The following ANGEL2 variants were observed in gnomAD, a reference collection of about 807,000 sequenced individuals.
The protein encoded by ANGEL2 is RNA 2',3'-cyclic phosphatase ANGEL2.
In ANGEL2, 41 loss-of-function variants were observed where a neutral mutation model predicts 66.0. That is an observed-to-expected ratio of 0.62 (90% confidence interval 0.48 to 0.81). The LOEUF (loss-of-function observed/expected upper bound fraction) is 0.81. Ranked by LOEUF, ANGEL2 falls within the 30% of genes least tolerant of loss-of-function variation. The pLI, the probability that ANGEL2 is intolerant of heterozygous loss-of-function variation, is 0.00. For missense variants in ANGEL2, 561 were observed against 641.6 expected, an observed-to-expected ratio of 0.87 and a Z score of 1.36; for synonymous variants, 208 against 226.5, an observed-to-expected ratio of 0.92 and a Z score of 0.73.
At chr1:213,002,573 T>TA (rs2076205765) in intron 5 of ANGEL2, among the ~76,000 whole-genome samples, 1 of 152,204 alleles carries the variant, frequency 6.6e-6, no homozygotes, top group African/African-American at 2.4e-5. Context: ...TCTTTCTAGT[T>TA]ATGAAGTCCT....
chr1:213,015,251 C>T, intron 1 of ANGEL2: 1 of 1,086,278 alleles, frequency 9.2e-7, no homozygotes, highest in Non-Finnish European at 1.1e-6. Context: ...TCCCCGCCGA[C>T]GCTCGGTTCC....
chr1:213,008,126 A>C, intron 3 of ANGEL2, 84 bp downstream of exon 3: 1 of 1,454,152 alleles, frequency 6.9e-7, no homozygotes, highest in Non-Finnish European at 9.3e-7. Context: ...AGCCTCCCAA[A>C]GTGCTGGGAT....
chr1:213,015,329 G>A, intron 1 of ANGEL2: 1 of 1,359,546 alleles, frequency 7.4e-7, no homozygotes, highest in Non-Finnish European at 9.5e-7. Flanking sequence ...GGGGAAGCAG[G>A]CCAGGGATCC....
Position 213,015,842 on chromosome 1 carries a change from A to C in ANGEL2, c.-171T>G. On this transcript the variant is annotated 5_prime_UTR_variant, in exon 1 of 9. An upstream start codon of the reference 5' UTR is lost. Transcript: ENST00000366962. ...AGTCTCGCCGGCCGGCCTACACTCC[A>C]TCTTGCGCAGTCAGAGTCCCTGAAT... 3.9e-6 allele frequency: 3 copies of C among 761,724 alleles called. No homozygotes were observed. Among genetic ancestry groups the C allele is most frequent in the Non-Finnish European group, 6.3e-6 (3 of 474,696 alleles). 47.2% of individuals were successfully genotyped at this position (761,724 alleles called of 1,614,324 possible). A position where few individuals can be genotyped will look rare whatever the true frequency, so the allele number is the denominator to read the frequency against.
At chr1:213,013,038 C>T in intron 2 of ANGEL2, 55 bp downstream of exon 2, 1 of 1,533,834 alleles carries the variant, frequency 6.5e-7, no homozygotes, top group African/African-American at 1.4e-5. Context: ...ATGAAAGTTT[C>T]AATTTAGTCT....
chr1:212,997,373 C>T lies in ANGEL2; in HGVS notation c.1320-55G>A, dbSNP rs180951235. On this transcript the variant is annotated intron_variant, in intron 7 of 8. Transcript: ENST00000366962. ...CCGAGTTTTTGTAACTTCAAGAATT[C>T]CTCCTATCTGAATTTCTTTTTCACT... The T allele has an allele frequency of 4.1e-6, 6 of 1,473,258 alleles. No homozygotes were observed. The East Asian group carries it at 1.4e-4, about 34-fold the overall frequency. 91.3% of individuals were successfully genotyped at this position (1,473,258 alleles called of 1,614,324 possible).
At position 212,995,098 on chromosome 1, in the gene ANGEL2, G is replaced by A. The variant is rs762124684; in HGVS notation, c.1578C>T (p.Asn526=). The A allele has an allele frequency of 1.7e-5, 27 of 1,612,272 alleles. No individual in the cohort carries two copies. Among genetic ancestry groups the A allele is most frequent in the Middle Eastern group, 1.6e-4 (1 of 6,074 alleles). ...GCAGATGATCTGAAGAGTTATTTTCGTTTGGAAGTCCATTAACAGTCCATA... is the reference window on the plus strand; with the variant it reads ...GCAGATGATCTGAAGAGTTATTTTCATTTGGAAGTCCATTAACAGTCCATA... ...QDLWTVNGLP[N]ENNSSDHLPL... Residue 526 remains asparagine (N), a synonymous_variant, in exon 9 of 9, where the codon AAC becomes AAT. Transcript: ENST00000366962.
At chr1:213,008,055 G>T (rs1406557439) in intron 3 of ANGEL2, among the ~76,000 whole-genome samples, 155 bp downstream of exon 3, 1 of 151,536 alleles carries the variant, frequency 6.6e-6, no homozygotes, top group Non-Finnish European at 1.5e-5. Context: ...GTAGAGACGG[G>T]GTTTCTCCAT....
intron 5 of ANGEL2, chr1:213,001,576 G>A (rs1231536505): frequency 6.6e-6 from 1 of 152,170 alleles, no homozygotes; most frequent in African/African-American, 2.4e-5. Context: ...CTTAAAATAA[G>A]ACAACAATGA....
At chr1:213,001,155 T>C in intron 5 of ANGEL2, 1 of 445,888 alleles carries the variant, frequency 2.2e-6, no homozygotes, top group South Asian at 2.6e-5. Context: ...AATTTGGACA[T>C]ACAAATCATC....
In ANGEL2 at chr1:212,994,618, C is replaced by A. The variant is rs1412827438; in HGVS notation, c.*423G>T. ...ACTATTTAGAACTCAATAGAGGGGT[C>A]TCCTAATGAAATCAAGCCTTCTGGA... On this transcript the variant is annotated 3_prime_UTR_variant, in exon 9 of 9. Transcript: ENST00000366962. 6.5e-6 allele frequency: 1 copy of A among 152,732 alleles called. No homozygotes were observed. Among genetic ancestry groups the A allele is most frequent in the Non-Finnish European group, 1.5e-5 (1 of 68,452 alleles). The allele number at this position is 152,732 out of a possible 1,614,324, so 9.5% of individuals were successfully genotyped here.
rs770086101 is a variant in ANGEL2 at position 212,995,176 on chromosome 1, C to G, written c.1500G>C (p.Leu500Phe). Reference sequence around the variant, plus strand: ...TAGCTAGAAGTTTCAAGCCACCAACCAAAGCAACTTCAGCTCCTACATTAA... The same window carrying G: ...TAGCTAGAAGTTTCAAGCCACCAACGAAAGCAACTTCAGCTCCTACATTAA... Reference protein sequence around the residue: ...VAGHPGAEVALVGGLKLLARL... With the variant: ...VAGHPGAEVAFVGGLKLLARL... The change falls in exon 9 of 9, where the codon TTG (leucine) becomes TTC (phenylalanine). Residue 500 changes from leucine to phenylalanine, a missense_variant. Coordinates refer to ENST00000366962, the MANE Select transcript of ANGEL2 (RefSeq NM_144567.5). 1.9e-6 allele frequency: 3 copies of G among 1,604,536 alleles called. No homozygotes were observed. Among genetic ancestry groups the G allele is most frequent in the South Asian group, 2.2e-5 (2 of 89,216 alleles).
chr1:213,013,867 G>A (rs931297688), intron 1 of ANGEL2, among the ~76,000 whole-genome samples: 25 of 152,122 alleles, frequency 1.6e-4, no homozygotes, highest in Non-Finnish European at 1.3e-4. Flanking sequence ...GTAATAACAA[G>A]TTTCTGAACA....
At position 213,008,392 on chromosome 1, in the gene ANGEL2, C is replaced by T. The variant is rs751568790; in HGVS notation, c.460G>A (p.Val154Ile). 4 of 1,614,014 alleles carry T rather than the reference C, an allele frequency of 2.5e-6. No homozygotes were observed. The highest frequency in any genetic ancestry group is 2.7e-5 in the African/African-American group (2 of 74,922). The change falls in exon 3 of 9, where the codon GTT (valine) becomes ATT (isoleucine). Residue 154 changes from valine to isoleucine, a missense_variant. Coordinates refer to ENST00000366962, the MANE Select transcript of ANGEL2 (RefSeq NM_144567.5). ...EKTKILGDKN[V>I]DPKCEDSENK... Reference sequence around the variant, plus strand: ...TCACTGTCTTCACATTTGGGATCAACATTTTTGTCTCCTAGGATCTTCGTT... The same window carrying T: ...TCACTGTCTTCACATTTGGGATCAATATTTTTGTCTCCTAGGATCTTCGTT...
intron 8 of ANGEL2, among the ~76,000 whole-genome samples, chr1:212,996,053 A>T (rs553197525): frequency 1.3e-5 from 2 of 152,296 alleles, no homozygotes; most frequent in South Asian, 4.1e-4. Context: ...CACGCCTGTA[A>T]TCCCAGCACT....
chr1:213,000,195 C>CT, intron 7 of ANGEL2, 131 bp downstream of exon 7: 1 of 777,640 alleles, frequency 1.3e-6, no homozygotes, highest in Non-Finnish European at 2.1e-6. Flanking sequence ...GCCTATCTGA[C>CT]TTAAGGGCCA....
chr1:213,008,355 T>A lies in ANGEL2; in HGVS notation c.497A>T (p.Asp166Val), dbSNP rs1186103302. The stretch of plus-strand genomic sequence containing the variant: ...TATATTATAGGACATCACTGAAAAG[T>A]CAAACTTGTTCTCACTGTCTTCACA... ...PKCEDSENKF[D>V]FSVMSYNILS... Residue 166 changes from aspartate to valine, a missense_variant, in exon 3 of 9, where the codon GAC becomes GTC. Physicochemically the swap from Asp to Val is radical, Grantham distance 152. Coordinates refer to ENST00000366962, the MANE Select transcript of ANGEL2 (RefSeq NM_144567.5). 2 of 1,614,110 alleles carry A rather than the reference T, an allele frequency of 1.2e-6. No individual in the cohort carries two copies. Among genetic ancestry groups the A allele is most frequent in the Admixed American group, 1.7e-5 (1 of 60,004 alleles).
intron 7 of ANGEL2, among the ~76,000 whole-genome samples, chr1:212,999,033 C>T (rs533731057): frequency 2.1e-4 from 32 of 151,918 alleles, no homozygotes; most frequent in Non-Finnish European, 2.9e-4. Flanking sequence ...CCACCATGCC[C>T]GGCTAATTTT....
Position 213,000,348 on chromosome 1 carries a change from C to T in ANGEL2, c.1297G>A (p.Glu433Lys). 1 of 1,613,902 alleles carries T rather than the reference C, an allele frequency of 6.2e-7. No individual in the cohort carries two copies. Among genetic ancestry groups the T allele is most frequent in the Non-Finnish European group, 8.5e-7 (1 of 1,179,810 alleles). ...DLTQTQLKQT[E>K]VLVTAEKLSS... is the part of the protein sequence containing the mutation. Reference sequence around the variant, plus strand: ...CACTTTTCAGCTGTCACTAGGACCTCTGTTTGCTTCAGCTGTGTTTGTGTC... The same window carrying T: ...CACTTTTCAGCTGTCACTAGGACCTTTGTTTGCTTCAGCTGTGTTTGTGTC... Residue 433 changes from glutamate to lysine, a missense_variant, in exon 7 of 9, where the codon GAG becomes AAG. Glu to Lys is a moderately conservative substitution (Grantham distance 56). Transcript: ENST00000366962.
Sources: gnomAD v4.1 joint callset for allele counts (sites outside exome capture counted in the v4.1 genomes callset) on GRCh38, gnomAD v4.1.1 for gene constraint, MANE v1.5 for transcripts, NCBI Gene and HGNC (gene_info 2026-07-23, HGNC 2026-07-21) for gene names.